UBR1: variants seen among roughly 807,000 people sequenced by gnomAD.
The protein encoded by UBR1 is E3 ubiquitin-protein ligase UBR1.
Under a neutral mutation model 242.1 loss-of-function variants are expected in UBR1, and 102 were observed. The observed-to-expected ratio is 0.42, with a 90% CI of 0.36 to 0.50. The LOEUF (loss-of-function observed/expected upper bound fraction) is 0.50. UBR1 is among the 20% of genes least tolerant of loss of function. The pLI, the probability that UBR1 is intolerant of heterozygous loss-of-function variation, is 0.01. For synonymous variants in UBR1, 675 were observed against 684.8 expected, an observed-to-expected ratio of 0.99 and a Z score of 0.22; for missense variants, 1,772 against 2,101.8, an observed-to-expected ratio of 0.84 and a Z score of 3.07.
chr15:43,042,819 A>T (rs1004953708), intron 15 of UBR1, among the ~76,000 whole-genome samples: 12 of 152,246 alleles, frequency 7.9e-5, no homozygotes, highest in African/African-American at 2.9e-4. Flanking sequence ...AATGCAAATG[A>T]TTAAGGAGAA....
rs534324228 is a variant in UBR1, at chr15:43,055,375, G to A, written c.1282-476C>T. ...AGGAGAATCGCTTGAACCAGGAGGC[G>A]GAGGTTGCAGTGAGCCGAGATCGTG... On this transcript the variant is annotated intron_variant, in intron 11 of 46. Transcript: ENST00000290650. Among the ~76,000 whole-genome samples the A allele has an allele frequency of 2.4e-3, 367 of 152,084 alleles. 3 individuals carry two copies. Among genetic ancestry groups the A allele is most frequent in the Non-Finnish European group, 3.8e-3 (255 of 67,994 alleles).
chr15:43,097,946 T>G (rs1029325123), intron 1 of UBR1, among the ~76,000 whole-genome samples: 1 of 152,252 alleles, frequency 6.6e-6, no homozygotes, highest in Non-Finnish European at 1.5e-5. Context: ...ATTCACAACT[T>G]GGCTAACTGC....
chr15:43,091,732 G>C (rs1013397449), intron 1 of UBR1, among the ~76,000 whole-genome samples: 1 of 151,724 alleles, frequency 6.6e-6, no homozygotes. Flanking sequence ...AGGAGTTTGA[G>C]ACCAGCCTAG....
intron 15 of UBR1, 129 bp from the exon 16 acceptor site, chr15:43,038,361 C>T: frequency 1.2e-6 from 1 of 837,344 alleles, no homozygotes; most frequent in East Asian, 2.8e-5. Context: ...GTAATCTCAG[C>T]ACTTTGGGAG....
At chr15:42,966,715 A>G (rs2032112175) in intron 40 of UBR1, among the ~76,000 whole-genome samples, 1 of 151,988 alleles carries the variant, frequency 6.6e-6, no homozygotes, top group African/African-American at 2.4e-5. Context: ...AAATAGTTTC[A>G]GTGTTTAAAT....
intron 27 of UBR1, among the ~76,000 whole-genome samples, chr15:43,018,893 A>C (rs2033065711): frequency 6.6e-6 from 1 of 152,252 alleles, no homozygotes; most frequent in Admixed American, 6.5e-5. Flanking sequence ...TCTGCAATTC[A>C]TAACACCATC....
intron 10 of UBR1, among the ~76,000 whole-genome samples, chr15:43,057,795 A>G (rs560547654): frequency 6.6e-6 from 1 of 151,744 alleles, no homozygotes; most frequent in Non-Finnish European, 1.5e-5. Context: ...GAATGTGATA[A>G]CCTCCCTTTG....
At chr15:43,096,519 C>T (rs2141369652) in intron 1 of UBR1, among the ~76,000 whole-genome samples, 2 of 152,262 alleles carry the variant, frequency 1.3e-5, no homozygotes, top group South Asian at 4.1e-4. Flanking sequence ...GACCTTTTCA[C>T]AAAAGATTTC....
At chr15:42,978,056 A>C (rs1266956188) in intron 37 of UBR1, 109 bp from the exon 38 acceptor site, 2 of 824,180 alleles carry the variant, frequency 2.4e-6, no homozygotes, top group Admixed American at 3.9e-5. Flanking sequence ...GTTATAAAAT[A>C]CAGAAACTAA....
intron 4 of UBR1, among the ~76,000 whole-genome samples, chr15:43,074,624 TTCA>T (rs2033864586): frequency 6.6e-6 from 1 of 152,064 alleles, no homozygotes; most frequent in Non-Finnish European, 1.5e-5. Context: ...GAGACAGGGT[TTCA>T]TCATGTTGGC....
At chr15:43,008,372 C>T (rs1175222516) in intron 29 of UBR1, among the ~76,000 whole-genome samples, 3 of 152,280 alleles carry the variant, frequency 2.0e-5, no homozygotes, top group Non-Finnish European at 4.4e-5. Context: ...CCAGGCGCTG[C>T]CGCGGCCCCG....
At chr15:43,014,152 G>A (rs938161521) in intron 29 of UBR1, among the ~76,000 whole-genome samples, 5 of 152,242 alleles carry the variant, frequency 3.3e-5, no homozygotes, top group South Asian at 2.1e-4. Flanking sequence ...CCGAGGTGCC[G>A]GGATTGCAGA....
At chr15:43,094,445 A>G (rs1042003089) in intron 1 of UBR1, among the ~76,000 whole-genome samples, 14 of 151,724 alleles carry the variant, frequency 9.2e-5, no homozygotes, top group African/African-American at 3.1e-4. Context: ...AAAAGCAAAC[A>G]AACAAACAAA....
chr15:42,984,437 A>AG (rs1307966594), intron 36 of UBR1, among the ~76,000 whole-genome samples: 2 of 152,200 alleles, frequency 1.3e-5, no homozygotes, highest in Non-Finnish European at 2.9e-5. Context: ...AAAGAGGTTT[A>AG]GGCCTGGGGC....
chr15:43,078,685 T>G (rs2033936173), intron 3 of UBR1, among the ~76,000 whole-genome samples: 1 of 152,100 alleles, frequency 6.6e-6, no homozygotes, highest in South Asian at 2.1e-4. Flanking sequence ...ATAGAAAAAC[T>G]GGCCAGGCAC....
chr15:43,003,796 T>C (rs563356109), intron 31 of UBR1, 41 bp downstream of exon 31: 20 of 1,594,848 alleles, frequency 1.3e-5, no homozygotes, highest in Non-Finnish European at 1.6e-5. Context: ...AACTTCAATG[T>C]TCCTAGTCTC....
intron 3 of UBR1, among the ~76,000 whole-genome samples, chr15:43,077,386 T>C (rs1008263248): frequency 2.6e-5 from 4 of 151,924 alleles, no homozygotes; most frequent in Non-Finnish European, 2.9e-5. Context: ...ATGTGCTGTG[T>C]CCACTCAGGG....
intron 12 of UBR1, among the ~76,000 whole-genome samples, chr15:43,053,951 T>C (rs2033586190): frequency 6.6e-6 from 1 of 151,924 alleles, no homozygotes; most frequent in Non-Finnish European, 1.5e-5. Context: ...CTCAGCCTCA[T>C]GGCAATTTTT....
chr15:43,029,083 T>C (rs2033217719), intron 21 of UBR1, among the ~76,000 whole-genome samples: 1 of 150,058 alleles, frequency 6.7e-6, no homozygotes, highest in Non-Finnish European at 1.5e-5. Flanking sequence ...AGACTTCGTC[T>C]CAAGGAGAAA....
Sources: allele counts gnomAD v4.1 joint callset (sites outside exome capture counted in the v4.1 genomes callset), GRCh38; gene constraint gnomAD v4.1.1; transcripts MANE v1.5; gene names NCBI Gene and HGNC (gene_info 2026-07-23, HGNC 2026-07-21).